ASB3: variants seen among roughly 807,000 people sequenced by gnomAD.
ASB3 encodes ankyrin repeat and SOCS box containing 3, also known as ankyrin repeat and SOCS box protein 3.
Under a neutral mutation model 54.5 loss-of-function variants are expected in ASB3, and 41 were observed. That is an observed-to-expected ratio of 0.75 (90% CI 0.59 to 0.98). ASB3 has a LOEUF of 0.98. ASB3 is among the 50% of genes least tolerant of loss of function. ASB3 has a pLI of 0.00. For synonymous variants in ASB3, 266 were observed against 221.2 expected, an observed-to-expected ratio of 1.20 and a Z score of -1.80; for missense variants, 733 against 620.0, an observed-to-expected ratio of 1.18 and a Z score of -1.94.
intron 3 of ASB3, among the ~76,000 whole-genome samples, chr2:53,746,442 T>C (rs973739150): frequency 6.6e-6 from 1 of 151,978 alleles, no homozygotes; most frequent in Non-Finnish European, 1.5e-5. Context: ...CACTGATGTA[T>C]ACATGCCCAT....
intron 5 of ASB3, among the ~76,000 whole-genome samples, chr2:53,726,635 CATAT>C (rs1198252205): frequency 2.0e-5 from 3 of 150,966 alleles, no homozygotes; most frequent in Non-Finnish European, 2.9e-5. Flanking sequence ...TATATATACA[CATAT>C]ATATACACAC....
At chr2:53,713,580 G>A (rs1326319681) in intron 7 of ASB3, among the ~76,000 whole-genome samples, 2 of 152,100 alleles carry the variant, frequency 1.3e-5, no homozygotes, top group Non-Finnish European at 2.9e-5. Context: ...TAATTAATTT[G>A]GGGGCGTTTA....
intron 2 of ASB3, among the ~76,000 whole-genome samples, chr2:53,753,802 T>C (rs1017023869): frequency 2.7e-5 from 4 of 150,356 alleles, no homozygotes; most frequent in African/African-American, 9.9e-5. Flanking sequence ...ACCTGGGTAA[T>C]TTTTTGTATT....
At chr2:53,771,730 AAG>A (rs1301637874) in intron 1 of ASB3, among the ~76,000 whole-genome samples, 1 of 152,190 alleles carries the variant, frequency 6.6e-6, no homozygotes, top group East Asian at 1.9e-4. Context: ...GTCTCTAGAT[AAG>A]GTAGGTTCTC....
At chr2:53,740,733 A>C (rs969549715) in intron 3 of ASB3, among the ~76,000 whole-genome samples, 1 of 152,184 alleles carries the variant, frequency 6.6e-6, no homozygotes, top group Non-Finnish European at 1.5e-5. Context: ...CCAATCATCC[A>C]CGTTATCACT....
chr2:53,735,889 C>T (rs940407022), intron 3 of ASB3, among the ~76,000 whole-genome samples: 2 of 151,658 alleles, frequency 1.3e-5, no homozygotes, highest in African/African-American at 2.4e-5. Context: ...TTTGGGTCCA[C>T]TGAATATCCA....
At chr2:53,708,943 A>T (rs1669942022) in intron 7 of ASB3, among the ~76,000 whole-genome samples, 1 of 152,206 alleles carries the variant, frequency 6.6e-6, no homozygotes, top group Non-Finnish European at 1.5e-5. Context: ...GCAGAGTATA[A>T]AAGTTTGGAA....
intron 3 of ASB3, 130 bp downstream of exon 3, chr2:53,750,653 G>A: frequency 3.0e-6 from 3 of 1,006,260 alleles, no homozygotes; most frequent in South Asian, 3.9e-5. Flanking sequence ...AAAAATCAAG[G>A]AAGTAGTGGT....
At chr2:53,677,813 G>C (rs145380961) in intron 9 of ASB3, among the ~76,000 whole-genome samples, 16 of 151,718 alleles carry the variant, frequency 1.1e-4, no homozygotes. Flanking sequence ...GTGTAGATTA[G>C]AGTGTCTTGC....
intron 9 of ASB3, 33 bp downstream of exon 9, chr2:53,693,851 A>C (rs374158367): frequency 9.9e-5 from 159 of 1,605,786 alleles, no homozygotes; most frequent in Non-Finnish European, 1.3e-4. Flanking sequence ...AAGGAAAAGT[A>C]GTGAAGTGTG....
intron 2 of ASB3, among the ~76,000 whole-genome samples, chr2:53,764,333 A>G (rs1001915380): frequency 3.3e-5 from 5 of 152,020 alleles, no homozygotes; most frequent in South Asian, 2.1e-4. Flanking sequence ...GTATGAGAGG[A>G]AAAAAAAGGG....
At chr2:53,715,389 G>C (rs1450648831) in intron 6 of ASB3, among the ~76,000 whole-genome samples, 1 of 152,118 alleles carries the variant, frequency 6.6e-6, no homozygotes, top group Non-Finnish European at 1.5e-5. Flanking sequence ...ATTTCTCTTT[G>C]TGACTTTTCC....
intron 3 of ASB3, among the ~76,000 whole-genome samples, chr2:53,737,394 C>G (rs1242864698): frequency 6.6e-6 from 1 of 152,158 alleles, no homozygotes; most frequent in Non-Finnish European, 1.5e-5. Context: ...TGGTTGAAAT[C>G]TGCAGGTAAG....
intron 6 of ASB3, among the ~76,000 whole-genome samples, chr2:53,715,700 A>G (rs1463448941): frequency 6.6e-6 from 1 of 152,190 alleles, no homozygotes; most frequent in Non-Finnish European, 1.5e-5. Context: ...GTAGGTGGGA[A>G]AAATTATACT....
chr2:53,682,280 A>G (rs576354485), intron 9 of ASB3, among the ~76,000 whole-genome samples: 21 of 152,324 alleles, frequency 1.4e-4, no homozygotes, highest in South Asian at 4.2e-4. Context: ...CATTTTAACA[A>G]TATTGATTCT....
chr2:53,757,316 G>A (rs140094099), intron 2 of ASB3, among the ~76,000 whole-genome samples: 1,638 of 152,300 alleles, frequency 0.011, 31 homozygotes, highest in African/African-American at 0.037. Context: ...TGGGAGCGTT[G>A]GTCTGCCTGG....
At chr2:53,684,365 A>G (rs1572839133) in intron 9 of ASB3, among the ~76,000 whole-genome samples, 2 of 152,316 alleles carry the variant, frequency 1.3e-5, no homozygotes, top group African/African-American at 4.8e-5. Context: ...CTACCTAATC[A>G]TTTCAAACCA....
chr2:53,757,679 C>T (rs1672911239), intron 2 of ASB3, among the ~76,000 whole-genome samples: 1 of 152,166 alleles, frequency 6.6e-6, no homozygotes, highest in Non-Finnish European at 1.5e-5. Context: ...CCTTAGGTAC[C>T]TAGGCTATGA....
chr2:53,718,647 A>C (rs1670527088), intron 5 of ASB3, among the ~76,000 whole-genome samples: 1 of 152,170 alleles, frequency 6.6e-6, no homozygotes, highest in Admixed American at 6.5e-5. Context: ...TAATAATAGG[A>C]TCAAAACCTC....
Sources: gnomAD v4.1 joint callset for allele counts (sites outside exome capture counted in the v4.1 genomes callset) on GRCh38, gnomAD v4.1.1 for gene constraint, MANE v1.5 for transcripts, NCBI Gene and HGNC (gene_info 2026-07-23, HGNC 2026-07-21) for gene names.